PDE2A: variants seen among roughly 807,000 people sequenced by gnomAD.
PDE2A encodes phosphodiesterase 2A.
Under a neutral mutation model 133.6 loss-of-function variants are expected in PDE2A, and 53 were observed. The observed-to-expected ratio is 0.40, with a 90% confidence interval of 0.32 to 0.50. PDE2A has a LOEUF of 0.50. Ranked by LOEUF, PDE2A falls within the 20% of genes least tolerant of loss-of-function variation. The pLI is 0.73. For synonymous variants in PDE2A, 491 were observed against 490.2 expected, an observed-to-expected ratio of 1.00 and a Z score of -0.02; for missense variants, 796 against 1,232.4, an observed-to-expected ratio of 0.65 and a Z score of 5.30.
intron 4 of PDE2A, among the ~76,000 whole-genome samples, chr11:72,598,060 G>A (rs1856568088): frequency 6.6e-6 from 1 of 152,202 alleles, no homozygotes; most frequent in Admixed American, 6.5e-5. Context: ...TTAGTGCTAA[G>A]CACAGGAGGT....
chr11:72,594,993 G>A lies in PDE2A; in HGVS notation c.489+1600C>T, dbSNP rs528113712. On this transcript the variant is annotated intron_variant, in intron 6 of 30. Coordinates refer to ENST00000334456, the MANE Select transcript of PDE2A (RefSeq NM_002599.5). ...CAGGACCAGACCAGAGTTCTACTGG[G>A]TGAGTTAAGTGTAAGTGATCTGATC... is the stretch of plus-strand genomic sequence containing the variant. Among the ~76,000 whole-genome samples the A allele has an allele frequency of 8.6e-5, 13 of 151,940 alleles. No homozygotes were observed. In the South Asian group the frequency reaches 2.7e-3, roughly 32 times the overall value.
At chr11:72,652,833 C>T (rs552125222) in intron 1 of PDE2A, 11 of 408,434 alleles carry the variant, frequency 2.7e-5, no homozygotes, top group Admixed American at 2.2e-4. Context: ...GGGCCTCCCC[C>T]AGTCCTTCCT....
chr11:72,655,420 C>T (rs537232096), intron 1 of PDE2A, among the ~76,000 whole-genome samples: 1 of 152,304 alleles, frequency 6.6e-6, no homozygotes, highest in East Asian at 1.9e-4. Context: ...TCCTCAAGAA[C>T]CTGGCCCAGG....
chr11:72,658,776 G>A (rs1854969680), intron 1 of PDE2A, among the ~76,000 whole-genome samples: 1 of 152,264 alleles, frequency 6.6e-6, no homozygotes, highest in African/African-American at 2.4e-5. Context: ...AATGAAGCTT[G>A]AGATACAACA....
At chr11:72,605,587 G>A (rs1293091031) in intron 3 of PDE2A, among the ~76,000 whole-genome samples, 1 of 152,146 alleles carries the variant, frequency 6.6e-6, no homozygotes. Flanking sequence ...CCAGCCTCAG[G>A]CATTCAGCAA....
At chr11:72,648,151 C>T (rs755546516) in intron 1 of PDE2A, among the ~76,000 whole-genome samples, 7 of 152,212 alleles carry the variant, frequency 4.6e-5, no homozygotes, top group Non-Finnish European at 8.8e-5. Context: ...CACACAGCCT[C>T]TCCTGAGGGT....
At chr11:72,657,036 G>A (rs1287170605) in intron 1 of PDE2A, among the ~76,000 whole-genome samples, 1 of 151,960 alleles carries the variant, frequency 6.6e-6, no homozygotes, top group Non-Finnish European at 1.5e-5. Flanking sequence ...AACATCTGTC[G>A]CTCCCCCATC....
At chr11:72,650,473 G>A (rs1854705039) in intron 1 of PDE2A, among the ~76,000 whole-genome samples, 1 of 151,854 alleles carries the variant, frequency 6.6e-6, no homozygotes, top group Non-Finnish European at 1.5e-5. Context: ...TAAATCCCCA[G>A]CCCCTTCACT....
At chr11:72,600,662 G>A (rs1432895187) in intron 4 of PDE2A, among the ~76,000 whole-genome samples, 2 of 152,124 alleles carry the variant, frequency 1.3e-5, no homozygotes, top group South Asian at 2.1e-4. Context: ...GCTCAACTCA[G>A]AGCCGCTCCC....
intron 1 of PDE2A, 121 bp from the exon 2 acceptor site, chr11:72,642,447 T>G: frequency 1.8e-6 from 2 of 1,128,548 alleles, no homozygotes; most frequent in Non-Finnish European, 2.2e-6. Flanking sequence ...CAGCTTCGCC[T>G]GGTCCGCCCG....
chr11:72,602,476 C>T (rs963156861), intron 4 of PDE2A, among the ~76,000 whole-genome samples: 9 of 152,186 alleles, frequency 5.9e-5, no homozygotes, highest in Non-Finnish European at 1.2e-4. Context: ...CCCCCACCTC[C>T]TCGGGCACTG....
rs145721529 is a variant in PDE2A, at chr11:72,588,868, G to A, written c.986C>T (p.Ala329Val). Residue 329 changes from alanine (A) to valine (V), a missense_variant, in exon 13 of 31, where the codon GCC (alanine) becomes GTC (valine). Ala to Val is a moderately conservative substitution (Grantham distance 64). Coordinates refer to ENST00000334456, the MANE Select transcript of PDE2A (RefSeq NM_002599.5). ...GCTGATGACAGGGACACAGAGCATG[G>A]CCTGCAGCTCACAGCCCAACATGCT... The part of the protein sequence containing the change: ...LQSMLGCELQ[A>V]MLCVPVISRA... 9.3e-6 allele frequency: 15 copies of A among 1,611,426 alleles called. No homozygotes were observed. Among genetic ancestry groups the A allele is most frequent in the African/African-American group, 2.7e-5 (2 of 75,040 alleles).
chr11:72,577,744 G>A (rs1224300335), intron 30 of PDE2A, 150 bp from the exon 31 acceptor site: 2 of 626,764 alleles, frequency 3.2e-6, no homozygotes, highest in Non-Finnish European at 2.8e-6. Context: ...ATGCCGAGGT[G>A]TGTGGATCAC....
intron 2 of PDE2A, among the ~76,000 whole-genome samples, chr11:72,632,072 C>A (rs966897911): frequency 1.3e-5 from 2 of 152,142 alleles, no homozygotes; most frequent in African/African-American, 4.8e-5. Flanking sequence ...CCCTGCTAGT[C>A]CCTGCTAGGA....
intron 2 of PDE2A, among the ~76,000 whole-genome samples, chr11:72,626,079 C>T (rs1414509366): frequency 2.0e-5 from 3 of 152,272 alleles, no homozygotes; most frequent in South Asian, 2.1e-4. Flanking sequence ...AGGCCCTTGA[C>T]GAGGCTGGCC....
At chr11:72,606,205 C>A (rs1484044900) in intron 3 of PDE2A, among the ~76,000 whole-genome samples, 4 of 151,888 alleles carry the variant, frequency 2.6e-5, no homozygotes, top group African/African-American at 9.7e-5. Context: ...GGCAACCCTT[C>A]GGGATCCCTG....
intron 2 of PDE2A, among the ~76,000 whole-genome samples, chr11:72,613,764 C>A (rs1324859425): frequency 6.6e-6 from 1 of 152,166 alleles, no homozygotes; most frequent in Non-Finnish European, 1.5e-5. Context: ...GAATGGGAAA[C>A]CCAGGAAGGC....
chr11:72,577,586 T>G lies in PDE2A; in HGVS notation c.2624A>C (p.Gln875Pro). 1 of 1,583,580 alleles carries G rather than the reference T, an allele frequency of 6.3e-7. No individual in the cohort carries two copies. Residue 875 changes from glutamine to proline, a missense_variant, in exon 31 of 31, where the codon CAG becomes CCG. Around this residue, in one of 7 missense-constraint regions of PDE2A, gnomAD observed 83 missense variants for 99.0 expected, o/e 0.84. Coordinates refer to ENST00000334456, the MANE Select transcript of PDE2A (RefSeq NM_002599.5). Reference sequence around the variant, plus strand: ...CTCTGCCGCTTTGGGGAACAGGTCCTGCAACAGCCTGCGGGTGCATGGGGG... The same window carrying G: ...CTCTGCCGCTTTGGGGAACAGGTCCGGCAACAGCCTGCGGGTGCATGGGGG... ...HIAMPIYKLL[Q>P]DLFPKAAELY...
intron 1 of PDE2A, among the ~76,000 whole-genome samples, chr11:72,660,614 C>A (rs1048841001): frequency 6.6e-6 from 1 of 152,098 alleles, no homozygotes; most frequent in Non-Finnish European, 1.5e-5. Flanking sequence ...ACAAAGGTGG[C>A]AGAACTTGCA....
Sources: gnomAD v4.1 joint callset for allele counts (sites outside exome capture counted in the v4.1 genomes callset) on GRCh38, gnomAD v4.1.1 for gene constraint, gnomAD v4.1.1 regional missense constraint, MANE v1.5 for transcripts, NCBI Gene and HGNC (gene_info 2026-07-23, HGNC 2026-07-21) for gene names.